The following ILDR1 variants were observed in gnomAD, a reference collection of about 807,000 sequenced individuals.
The protein encoded by ILDR1 is immunoglobulin like domain containing receptor 1.
ILDR1 carries 56 observed loss-of-function variants against 62.4 expected under a neutral mutation model. The ratio of observed to expected loss-of-function variants is 0.90; its 90% CI spans 0.72 to 1.12. ILDR1 has a LOEUF of 1.12. Ranked by LOEUF, ILDR1 falls within the 50% of genes most tolerant of loss-of-function variation. ILDR1 has a pLI of 0.00. For synonymous variants in ILDR1, 284 were observed against 277.8 expected (o/e 1.02, Z -0.22); for missense variants, 736 against 710.6 (o/e 1.04, Z -0.41).
intron 5 of ILDR1, among the ~76,000 whole-genome samples, chr3:121,997,324 C>G (rs1806656): frequency 0.23 from 35,195 of 152,100 alleles, 4,561 homozygotes; most frequent in Non-Finnish European, 0.3. Context: ...AATCTGATGC[C>G]CCTTTGAACT....
chr3:122,029,684 A>C, the ILDR1 span, among the ~76,000 whole-genome samples: 2 of 151,950 alleles, frequency 1.3e-5, no homozygotes, highest in Non-Finnish European at 2.9e-5. Context: ...AATCATTTAA[A>C]TTTAGGTGAT....
chr3:122,009,785 G>C (rs890128055), intron 1 of ILDR1, among the ~76,000 whole-genome samples: 1 of 152,232 alleles, frequency 6.6e-6, no homozygotes, highest in Non-Finnish European at 1.5e-5. Flanking sequence ...CTTGGGTCCT[G>C]CCTGACCTAC....
chr3:121,993,798 C>T lies in ILDR1; in HGVS notation c.951G>A (p.Leu317=). 1 of 1,614,144 alleles carries T rather than the reference C, an allele frequency of 6.2e-7. No individual in the cohort carries two copies. The highest frequency in any genetic ancestry group is 8.5e-7 in the Non-Finnish European group (1 of 1,180,044). The change falls in exon 7 of 8, where the codon CTG becomes CTA. Residue 317 remains leucine (L), a synonymous_variant. Transcript: ENST00000344209. Reference sequence around the variant, plus strand: ...CCACGACCTCAGAGCCCAGGGAGGACAGCATGCTGCAGGGATGGCCAAATC... The same window carrying T: ...CCACGACCTCAGAGCCCAGGGAGGATAGCATGCTGCAGGGATGGCCAAATC... ...KGRFGHPCSM[L]SSLGSEVVER...
Position 121,993,763 on chromosome 3 carries a change from A to G in ILDR1, c.986T>C (p.Ile329Thr), listed in dbSNP as rs2071394108. The G allele has an allele frequency of 6.2e-7, 1 of 1,614,112 alleles. No homozygotes were observed. The highest frequency in any genetic ancestry group is 2.2e-5 in the East Asian group (1 of 44,868). ...TCTGATCAGTGGGGGCAGGTGGATG[A>G]TTCTGCGTTCCACGACCTCAGAGCC... ...SLGSEVVERR[I>T]IHLPPLIRDL... is the part of the protein sequence containing the mutation. Residue 329 changes from isoleucine to threonine, a missense_variant, in exon 7 of 8, where the codon ATC becomes ACC. Physicochemically the swap from Ile to Thr is moderately conservative, Grantham distance 89 (BLOSUM62 -1). Transcript: ENST00000344209.
At position 122,022,218 on chromosome 3, in the gene ILDR1, T is replaced by A. The variant is rs911591594; in HGVS notation, c.-141A>T. The A allele has an allele frequency of 7.2e-6, 5 of 696,324 alleles. No homozygotes were observed. Among genetic ancestry groups the A allele is most frequent in the Non-Finnish European group, 1.2e-5 (5 of 429,842 alleles). 43.1% of individuals were successfully genotyped at this position (696,324 alleles called of 1,614,324 possible). A position where few individuals can be genotyped will look rare whatever the true frequency, so the allele number is the denominator to read the frequency against. On this transcript the variant is annotated 5_prime_UTR_variant, in exon 1 of 8. Transcript: ENST00000344209. ...CCCTCGGCGCAGCGGGGAGGGAGCG[T>A]CCGCTCTGGTCCCGGGGCAGGTGCC...
At chr3:122,008,593 C>CTTTTTT (rs10546593) in intron 1 of ILDR1, among the ~76,000 whole-genome samples, 9 of 80,114 alleles carry the variant, frequency 1.1e-4, no homozygotes, top group East Asian at 3.1e-4. Flanking sequence ...CTTTTCTTTT[C>CTTTTTT]TTTTTTTTTT....
At chr3:122,048,360 A>C in the ILDR1 span, among the ~76,000 whole-genome samples, 2 of 152,234 alleles carry the variant, frequency 1.3e-5, no homozygotes, top group Non-Finnish European at 2.9e-5. Flanking sequence ...AGATTTTTGC[A>C]TCAGGGATAT....
chr3:122,012,975 G>A (rs186146881), intron 1 of ILDR1, among the ~76,000 whole-genome samples: 2 of 152,296 alleles, frequency 1.3e-5, no homozygotes, highest in Non-Finnish European at 2.9e-5. Flanking sequence ...GGGTAGAAAG[G>A]AAACTTCAGA....
At chr3:122,005,210 C>CCCCCAGTT in intron 3 of ILDR1, 34 bp downstream of exon 3, 2 of 1,198,858 alleles carry the variant, frequency 1.7e-6, no homozygotes, top group Non-Finnish European at 2.5e-6. Flanking sequence ...CCTCCCCCCA[C>CCCCCAGTT]CCCCAGTTCC....
the ILDR1 span, among the ~76,000 whole-genome samples, chr3:122,029,517 T>A: frequency 1.3e-4 from 19 of 144,268 alleles, no homozygotes; most frequent in African/African-American, 4.7e-4. Context: ...AAAAAATATA[T>A]ATATATATAT....
At chr3:122,045,353 T>C in the ILDR1 span, among the ~76,000 whole-genome samples, 3 of 151,090 alleles carry the variant, frequency 2.0e-5, no homozygotes, top group Non-Finnish European at 3.0e-5. Flanking sequence ...TGGTCAATTT[T>C]GGAATAGGTG....
chr3:121,996,190 C>A (rs916820849), intron 5 of ILDR1, among the ~76,000 whole-genome samples: 2 of 152,198 alleles, frequency 1.3e-5, no homozygotes, highest in African/African-American at 4.8e-5. Flanking sequence ...AGCCACTCCT[C>A]CTGCTTCCTT....
intron 1 of ILDR1, among the ~76,000 whole-genome samples, chr3:122,009,589 C>T (rs2071673018): frequency 6.6e-6 from 1 of 152,212 alleles, no homozygotes; most frequent in African/African-American, 2.4e-5. Context: ...ATGTGAGTCT[C>T]TTCCTTTTTT....
chr3:122,021,974 C>T, intron 1 of ILDR1, 46 bp downstream of exon 1: 1 of 1,566,730 alleles, frequency 6.4e-7, no homozygotes. Flanking sequence ...ACAATGGCTT[C>T]CTGTCTCCTT....
At chr3:122,031,830 G>T in the ILDR1 span, among the ~76,000 whole-genome samples, 1 of 152,254 alleles carries the variant, frequency 6.6e-6, no homozygotes, top group East Asian at 1.9e-4. Flanking sequence ...TTTTATAGCA[G>T]CCCAAATGCA....
the ILDR1 span, among the ~76,000 whole-genome samples, chr3:122,032,072 A>G: frequency 6.6e-6 from 1 of 152,340 alleles, no homozygotes; most frequent in Middle Eastern, 3.4e-3. Flanking sequence ...ACCACTCAGG[A>G]CAAAATATAG....
chr3:122,041,195 T>G, the ILDR1 span, among the ~76,000 whole-genome samples: 1 of 152,204 alleles, frequency 6.6e-6, no homozygotes, highest in Admixed American at 6.5e-5. Flanking sequence ...GAAACTTAAT[T>G]ACCAATGTAA....
the ILDR1 span, among the ~76,000 whole-genome samples, chr3:122,053,539 C>T: frequency 2.6e-5 from 4 of 152,024 alleles, no homozygotes; most frequent in Non-Finnish European, 5.9e-5. Flanking sequence ...AATTTTACTA[C>T]AATATATACC....
At chr3:122,003,573 C>T (rs763983339) in intron 3 of ILDR1, among the ~76,000 whole-genome samples, 1 of 152,114 alleles carries the variant, frequency 6.6e-6, no homozygotes, top group Non-Finnish European at 1.5e-5. Context: ...GATCTAAGGA[C>T]TGATTTGACA....
Sources: gnomAD v4.1 joint callset for allele counts (sites outside exome capture counted in the v4.1 genomes callset) on GRCh38, gnomAD v4.1.1 for gene constraint, MANE v1.5 for transcripts, NCBI Gene and HGNC (gene_info 2026-07-23, HGNC 2026-07-21) for gene names.